Variants in PAPPA observed in about 807,000 individuals in gnomAD.
PAPPA encodes pappalysin 1, also known as pappalysin-1.
In PAPPA, 60 loss-of-function variants were observed where a neutral mutation model predicts 164.0. The ratio of observed to expected loss-of-function variants is 0.37; its 90% CI spans 0.30 to 0.45. The LOEUF (loss-of-function observed/expected upper bound fraction) is 0.45, where lower values mean the gene tolerates loss of function less well. PAPPA is among the 20% of genes least tolerant of loss of function. PAPPA has a pLI of 1.00. For missense variants in PAPPA, 1,782 were observed against 2,087.3 expected, an observed-to-expected ratio of 0.85 and a Z score of 2.85; for synonymous variants, 875 against 814.1, an observed-to-expected ratio of 1.07 and a Z score of -1.27.
intron 1 of PAPPA, among the ~76,000 whole-genome samples, chr9:116,178,271 TA>T (rs1843861194): frequency 6.6e-6 from 1 of 152,112 alleles, no homozygotes; most frequent in Non-Finnish European, 1.5e-5. Flanking sequence ...CATGCCCAGC[TA>T]ATTTTTTGTA....
chr9:116,253,394 G>A (rs187622993), intron 7 of PAPPA, among the ~76,000 whole-genome samples: 2 of 152,136 alleles, frequency 1.3e-5, no homozygotes, highest in Non-Finnish European at 2.9e-5. Flanking sequence ...AACAATAAAA[G>A]TGATGTCCAG....
intron 9 of PAPPA, among the ~76,000 whole-genome samples, chr9:116,298,995 T>C (rs1168312090): frequency 6.6e-6 from 1 of 152,202 alleles, no homozygotes; most frequent in Admixed American, 6.5e-5. Context: ...TCTTTGTTTT[T>C]TGCGGCCGCA....
At chr9:116,390,569 G>C (rs375086147) in intron 21 of PAPPA, among the ~76,000 whole-genome samples, 2 of 151,892 alleles carry the variant, frequency 1.3e-5, no homozygotes, top group African/African-American at 4.8e-5. Flanking sequence ...TTTTGGAAGA[G>C]AGAGTAGATA....
At chr9:116,161,708 A>AG (rs1170106125) in intron 1 of PAPPA, among the ~76,000 whole-genome samples, 54 of 149,206 alleles carry the variant, frequency 3.6e-4, no homozygotes, top group African/African-American at 1.3e-3. Flanking sequence ...AAAAAGCTCC[A>AG]GAAAAAAAAA....
At chr9:116,326,907 T>C (rs969808616) in intron 10 of PAPPA, among the ~76,000 whole-genome samples, 1 of 152,260 alleles carries the variant, frequency 6.6e-6, no homozygotes, top group African/African-American at 2.4e-5. Flanking sequence ...TATTGCAGAT[T>C]GCAGAATTTC....
intron 9 of PAPPA, among the ~76,000 whole-genome samples, chr9:116,297,176 G>A (rs1845520214): frequency 6.6e-6 from 1 of 152,158 alleles, no homozygotes; most frequent in African/African-American, 2.4e-5. Context: ...TCTATAAGTA[G>A]TGGGGATCTA....
intron 9 of PAPPA, among the ~76,000 whole-genome samples, chr9:116,273,175 C>A (rs1845157013): frequency 6.6e-6 from 1 of 152,074 alleles, no homozygotes. Context: ...GATATGGTAC[C>A]CTGAAAGAGA....
intron 2 of PAPPA, among the ~76,000 whole-genome samples, chr9:116,195,875 G>T (rs989265914): frequency 1.3e-5 from 2 of 149,316 alleles, no homozygotes; most frequent in East Asian, 2.0e-4. Flanking sequence ...TCATCCTCAG[G>T]TTTCATTTTT....
chr9:116,219,632 AT>A (rs1276351055), intron 4 of PAPPA, among the ~76,000 whole-genome samples: 1 of 152,126 alleles, frequency 6.6e-6, no homozygotes, highest in Non-Finnish European at 1.5e-5. Flanking sequence ...AATAGGGGAA[AT>A]AGCTCATCTT....
chr9:116,384,004 T>C (rs1304432837), intron 21 of PAPPA, among the ~76,000 whole-genome samples: 1 of 152,158 alleles, frequency 6.6e-6, no homozygotes, highest in Non-Finnish European at 1.5e-5. Flanking sequence ...TTTGGTGTAT[T>C]TTATTCTGTG....
chr9:116,284,573 C>A (rs1237713755), intron 9 of PAPPA, among the ~76,000 whole-genome samples: 2 of 118,096 alleles, frequency 1.7e-5, no homozygotes, highest in African/African-American at 8.3e-5. Context: ...TTTTTTGACC[C>A]ATGAACTTGT....
At chr9:116,176,670 T>C (rs1843838507) in intron 1 of PAPPA, among the ~76,000 whole-genome samples, 1 of 152,202 alleles carries the variant, frequency 6.6e-6, no homozygotes, top group Non-Finnish European at 1.5e-5. Context: ...AATACTATAG[T>C]ATCCACATAA....
chr9:116,261,751 T>C (rs549477670), intron 7 of PAPPA, among the ~76,000 whole-genome samples: 2 of 152,324 alleles, frequency 1.3e-5, no homozygotes, highest in African/African-American at 2.4e-5. Flanking sequence ...TCAGTATGAC[T>C]TTCTGAGGCA....
intron 9 of PAPPA, among the ~76,000 whole-genome samples, chr9:116,294,007 A>G (rs1845470446): frequency 6.6e-6 from 1 of 152,210 alleles, no homozygotes; most frequent in Non-Finnish European, 1.5e-5. Context: ...CATATTTTAG[A>G]TAAATCATTC....
chr9:116,326,787 C>A (rs1845925864), intron 10 of PAPPA, among the ~76,000 whole-genome samples: 1 of 152,118 alleles, frequency 6.6e-6, no homozygotes, highest in Non-Finnish European at 1.5e-5. Flanking sequence ...GTCTTTGGTT[C>A]TATGAATTTG....
At chr9:116,260,689 C>A (rs1270659548) in intron 7 of PAPPA, among the ~76,000 whole-genome samples, 2 of 152,140 alleles carry the variant, frequency 1.3e-5, no homozygotes, top group African/African-American at 2.4e-5. Context: ...TTAAATTAGA[C>A]CCATGGATTG....
intron 19 of PAPPA, among the ~76,000 whole-genome samples, chr9:116,369,273 C>G (rs1588023587): frequency 6.6e-6 from 1 of 152,132 alleles, no homozygotes; most frequent in South Asian, 2.1e-4. Context: ...CAGATTCCCC[C>G]GAGTGCCCCA....
chr9:116,352,249 G>GC (rs1247840685), intron 15 of PAPPA, among the ~76,000 whole-genome samples: 1 of 152,212 alleles, frequency 6.6e-6, no homozygotes, highest in Non-Finnish European at 1.5e-5. Context: ...ATACAGGGGT[G>GC]CTGGGCCCAG....
intron 21 of PAPPA, among the ~76,000 whole-genome samples, chr9:116,385,355 A>C (rs1402449245): frequency 6.6e-6 from 1 of 152,114 alleles, no homozygotes; most frequent in Non-Finnish European, 1.5e-5. Context: ...GTAGAGAGAG[A>C]ATCCATTTGG....
Sources: allele counts gnomAD v4.1 joint callset (sites outside exome capture counted in the v4.1 genomes callset), GRCh38; gene constraint gnomAD v4.1.1; transcripts MANE v1.5; gene names NCBI Gene and HGNC (gene_info 2026-07-23, HGNC 2026-07-21).